Variants in RPSA2 observed in about 807,000 individuals in gnomAD.
RPSA2 encodes the protein ribosomal protein SA 2, also known as small ribosomal subunit protein uS2B.
the RPSA2 span, chr19:23,808,974 T>C: frequency 5.0e-6 from 1 of 201,908 alleles, no homozygotes; most frequent in African/African-American, 2.4e-5. Context: ...GCATCTTATG[T>C]CTTATGTTTA....
the RPSA2 span, among the ~76,000 whole-genome samples, chr19:23,767,231 G>A: frequency 0.98 from 148,877 of 152,202 alleles, 72,906 homozygotes; most frequent in Middle Eastern, 1. Flanking sequence ...CGTGAACCAC[G>A]GTGCCCGGCC....
At chr19:23,783,072 A>G in the RPSA2 span, among the ~76,000 whole-genome samples, 9 of 127,882 alleles carry the variant, frequency 7.0e-5, no homozygotes, top group Admixed American at 6.6e-4. Flanking sequence ...TGAGATCTGC[A>G]TGCATCATGT....
the RPSA2 span, among the ~76,000 whole-genome samples, chr19:23,861,379 A>G: frequency 6.6e-6 from 1 of 152,286 alleles, no homozygotes; most frequent in East Asian, 1.9e-4. Context: ...AAGAGATAAG[A>G]GAGCCCCCCC....
At chr19:23,822,386 C>T in the RPSA2 span, among the ~76,000 whole-genome samples, 1 of 152,170 alleles carries the variant, frequency 6.6e-6, no homozygotes, top group Non-Finnish European at 1.5e-5. Flanking sequence ...GACACTCCTT[C>T]GTGTTAAACA....
chr19:23,829,362 A>G, the RPSA2 span, among the ~76,000 whole-genome samples: 1 of 152,122 alleles, frequency 6.6e-6, no homozygotes, highest in Non-Finnish European at 1.5e-5. Context: ...GTGCAATGGC[A>G]TTGATCTTGG....
chr19:23,859,050 C>A, the RPSA2 span, among the ~76,000 whole-genome samples: 1 of 152,194 alleles, frequency 6.6e-6, no homozygotes, highest in Non-Finnish European at 1.5e-5. Context: ...CCTAAACCAA[C>A]TTCTTGTGTG....
At chr19:23,870,690 T>C in the RPSA2 span, among the ~76,000 whole-genome samples, 1 of 152,214 alleles carries the variant, frequency 6.6e-6, no homozygotes. Context: ...GTTCTGTCTC[T>C]GTTTCCTGCT....
the RPSA2 span, among the ~76,000 whole-genome samples, chr19:23,787,716 G>A: frequency 1.3e-5 from 2 of 152,168 alleles, no homozygotes; most frequent in African/African-American, 2.4e-5. Context: ...AGGAAGAATC[G>A]TGACCTTTCA....
the RPSA2 span, among the ~76,000 whole-genome samples, chr19:23,810,510 AC>A: frequency 6.6e-6 from 1 of 150,928 alleles, no homozygotes; most frequent in African/African-American, 2.4e-5. Flanking sequence ...TGTATTGCAG[AC>A]CCAGGGGCAG....
chr19:23,832,009 A>G, the RPSA2 span: 4 of 425,422 alleles, frequency 9.4e-6, no homozygotes, highest in South Asian at 4.1e-5. Flanking sequence ...TTGGTCCTCA[A>G]TCCTTACTAA....
At chr19:23,822,903 C>A in the RPSA2 span, among the ~76,000 whole-genome samples, 2 of 152,138 alleles carry the variant, frequency 1.3e-5, no homozygotes, top group Non-Finnish European at 1.5e-5. Flanking sequence ...TCCAGCAAAG[C>A]TGATTTTTTT....
chr19:23,845,253 A>G, the RPSA2 span, among the ~76,000 whole-genome samples: 1 of 85,060 alleles, frequency 1.2e-5, no homozygotes, highest in Non-Finnish European at 2.3e-5. Flanking sequence ...TTTTTATTTC[A>G]TTTGGTTCTG....
At chr19:23,841,855 T>G in the RPSA2 span, among the ~76,000 whole-genome samples, 65 of 152,348 alleles carry the variant, frequency 4.3e-4, no homozygotes, top group Non-Finnish European at 8.2e-4. Context: ...CCAAACTTAC[T>G]GAGTCAGGCT....
chr19:23,765,626 G>A, the RPSA2 span, among the ~76,000 whole-genome samples: 1 of 152,244 alleles, frequency 6.6e-6, no homozygotes, highest in South Asian at 2.1e-4. Context: ...ACACATACTA[G>A]AGCCTATTGG....
the RPSA2 span, among the ~76,000 whole-genome samples, chr19:23,857,938 A>T: frequency 6.6e-6 from 1 of 152,012 alleles, no homozygotes; most frequent in Non-Finnish European, 1.5e-5. Context: ...ATTTCTGCAC[A>T]TCTGGAGAGA....
the RPSA2 span, chr19:23,808,776 G>T: frequency 1.1e-6 from 1 of 920,190 alleles, no homozygotes; most frequent in Non-Finnish European, 1.6e-6. Flanking sequence ...AAAGAGCCCT[G>T]GAATATGAAG....
chr19:23,847,892 T>C, the RPSA2 span, among the ~76,000 whole-genome samples: 1 of 152,192 alleles, frequency 6.6e-6, no homozygotes, highest in Admixed American at 6.5e-5. Flanking sequence ...TCTTCCCTAC[T>C]TGCACATCCA....
At chr19:23,849,280 G>T in the RPSA2 span, among the ~76,000 whole-genome samples, 1 of 152,188 alleles carries the variant, frequency 6.6e-6, no homozygotes, top group African/African-American at 2.4e-5. Flanking sequence ...GGCAATGCCC[G>T]ATGTTCTCCA....
At chr19:23,866,040 G>A in the RPSA2 span, among the ~76,000 whole-genome samples, 13 of 152,274 alleles carry the variant, frequency 8.5e-5, no homozygotes, top group South Asian at 6.2e-4. Context: ...GAATCGCACC[G>A]CTCTTCAAGG....
Sources: allele counts gnomAD v4.1 joint callset (sites outside exome capture counted in the v4.1 genomes callset), GRCh38; gene constraint gnomAD v4.1.1; transcripts MANE v1.5; gene names NCBI Gene and HGNC (gene_info 2026-07-23, HGNC 2026-07-21).